FRY: variants seen among roughly 807,000 people sequenced by gnomAD.
The protein encoded by FRY is protein furry homolog.
A neutral mutation model predicts 348.4 loss-of-function variants in FRY; 128 were observed. That is an observed-to-expected ratio of 0.37 (90% CI 0.32 to 0.43). The LOEUF (loss-of-function observed/expected upper bound fraction) is 0.43. FRY is among the 20% of genes least tolerant of loss of function. The pLI, the probability that FRY is intolerant of heterozygous loss-of-function variation, is 1.00. For missense variants in FRY, 2,736 were observed against 3,695.2 expected (o/e 0.74, Z 6.73); for synonymous variants, 1,370 against 1,374.7 (o/e 1.00, Z 0.08).
chr13:32,178,878 G>T lies in FRY; in HGVS notation c.2716G>T (p.Gly906Cys), dbSNP rs376524681. 4 of 1,613,618 alleles carry T rather than the reference G, an allele frequency of 2.5e-6. No individual in the cohort carries two copies. In the South Asian group the frequency reaches 4.4e-5, roughly 18 times the overall value. The change falls in exon 22 of 61, where the codon GGC (glycine) becomes TGC (cysteine). Residue 906 changes from glycine to cysteine, a missense_variant. Around this residue, in one of 9 missense-constraint regions of FRY, gnomAD observed 449 missense variants for 576.9 expected, o/e 0.78. Transcript: ENST00000542859. Reference sequence around the variant, plus strand: ...TAATGCCAAGAAAACCAGCACTGCCGGCAGCGGAGACAACTATGTTACTTT... The same window carrying T: ...TAATGCCAAGAAAACCAGCACTGCCTGCAGCGGAGACAACTATGTTACTTT... ...PINAKKTSTA[G>C]SGDNYVTLWR...
intron 1 of FRY, among the ~76,000 whole-genome samples, chr13:32,056,104 T>A (rs948808220): frequency 1.3e-5 from 2 of 148,744 alleles, no homozygotes; most frequent in South Asian, 2.1e-4. Flanking sequence ...GGCAGGAGAA[T>A]CACTGGAACC....
At chr13:32,136,038 T>TAAAA (rs1426084130) in intron 10 of FRY, among the ~76,000 whole-genome samples, 1 of 135,226 alleles carries the variant, frequency 7.4e-6, no homozygotes, top group African/African-American at 3.1e-5. Context: ...CTAAGTTAAT[T>TAAAA]TAAAAAAAAA....
intron 39 of FRY, among the ~76,000 whole-genome samples, chr13:32,227,014 CT>C (rs1279359496): frequency 6.6e-6 from 1 of 152,136 alleles, no homozygotes; most frequent in African/African-American, 2.4e-5. Context: ...TAAGAATGTA[CT>C]TTCTTAAATG....
In FRY at chr13:32,276,520, A is replaced by G. The variant is rs757567504; in HGVS notation, c.8343A>G (p.Glu2781=). ...KLKFSVLELQ[E]YLDTYNNRKE... ...AGTTCAGTGTGTTAGAACTGCAAGA[A>G]TATTTGGATACCTACAACAACAGGA... The change falls in exon 57 of 61, where the codon GAA becomes GAG. Residue 2781 remains glutamate, a synonymous_variant. Coordinates refer to ENST00000542859, the MANE Select transcript of FRY (RefSeq NM_023037.3). 7.0e-5 allele frequency: 112 copies of G among 1,605,486 alleles called. No homozygotes were observed. Among genetic ancestry groups the G allele is most frequent in the Non-Finnish European group, 9.3e-5 (109 of 1,172,240 alleles).
rs779825072 is a variant in FRY at position 32,173,319 on chromosome 13, CCTTT to C, written c.2152-47_2152-44del. ...TGTAAAACATGAGTGTATTCTTCTT[CCTTT>C]GTTATTTCGCTGAATACAGAATGTT... is the stretch of plus-strand genomic sequence containing the variant. On this transcript the variant is annotated intron_variant, in intron 18 of 60. Coordinates refer to ENST00000542859, the MANE Select transcript of FRY (RefSeq NM_023037.3). The C allele has an allele frequency of 6.4e-6, 9 of 1,417,136 alleles. No individual in the cohort carries two copies. The Admixed American group carries it at 1.3e-4, about 21-fold the overall frequency. 87.8% of individuals were successfully genotyped at this position (1,417,136 alleles called of 1,614,324 possible). A position where few individuals can be genotyped will look rare whatever the true frequency, so the allele number is the denominator to read the frequency against.
At chr13:32,145,217 G>A (rs1880326702) in intron 11 of FRY, among the ~76,000 whole-genome samples, 2 of 152,138 alleles carry the variant, frequency 1.3e-5, no homozygotes, top group South Asian at 4.1e-4. Flanking sequence ...GATCCCACAG[G>A]CACCAGAGAA....
At chr13:32,252,428 A>G (rs895099294) in intron 50 of FRY, among the ~76,000 whole-genome samples, 1 of 152,180 alleles carries the variant, frequency 6.6e-6, no homozygotes, top group African/African-American at 2.4e-5. Context: ...ACAATAAAAA[A>G]CTAAGAATAA....
rs74682143 is a variant in FRY, at chr13:32,266,543, G to T, written c.7947-627G>T. On this transcript the variant is annotated intron_variant, in intron 54 of 60. Coordinates refer to ENST00000542859, the MANE Select transcript of FRY (RefSeq NM_023037.3). ...TGAAACTGCCAAAGCATAGGACTGTGGTTTACTTTGGGGCATAGCCTCTGT... is the reference window on the plus strand; with the variant it reads ...TGAAACTGCCAAAGCATAGGACTGTTGTTTACTTTGGGGCATAGCCTCTGT... 6.3e-3 allele frequency among the ~76,000 whole-genome samples: 952 copies of T among 152,318 alleles called. 4 individuals carry two copies. Among genetic ancestry groups the T allele is most frequent in the Admixed American group, 0.017 (266 of 15,310 alleles).
chr13:32,168,054 G>A (rs1367600519), intron 17 of FRY, among the ~76,000 whole-genome samples: 4 of 152,172 alleles, frequency 2.6e-5, no homozygotes, highest in Non-Finnish European at 5.9e-5. Context: ...TAGAGAGAAA[G>A]AGATTTATTG....
At chr13:32,242,402 G>A (rs1886558379) in intron 46 of FRY, among the ~76,000 whole-genome samples, 1 of 151,874 alleles carries the variant, frequency 6.6e-6, no homozygotes, top group Non-Finnish European at 1.5e-5. Flanking sequence ...ACTAAATTTT[G>A]TCATTCCATT....
At chr13:32,234,040 C>A (rs558936168) in intron 41 of FRY, among the ~76,000 whole-genome samples, 41 of 149,558 alleles carry the variant, frequency 2.7e-4, no homozygotes, top group South Asian at 6.3e-4. Context: ...ATCCCAGCAA[C>A]TCAGTAGGCT....
rs1184874508 is a variant in FRY at position 32,031,783 on chromosome 13, G to A, written c.-13G>A. The A allele has an allele frequency of 1.3e-6, 2 of 1,587,570 alleles. No individual in the cohort carries two copies. Among genetic ancestry groups the A allele is most frequent in the Non-Finnish European group, 1.7e-6 (2 of 1,157,568 alleles). On this transcript the variant is annotated 5_prime_UTR_variant, in exon 1 of 61. Transcript: ENST00000542859. ...CGCTGCCCGTCCTCCCAGCCTCTTT[G>A]TATGCCGCAGACATGGCCAGCCAGC...
At chr13:32,236,056 G>T in intron 42 of FRY, 22 bp from the exon 43 acceptor site, 1 of 1,515,554 alleles carries the variant, frequency 6.6e-7, no homozygotes, top group Non-Finnish European at 9.2e-7. Context: ...AATACAAAAT[G>T]CTATCTTTGC....
At chr13:32,245,746 G>A (rs2806626) in intron 47 of FRY, among the ~76,000 whole-genome samples, 1 of 109,604 alleles carries the variant, frequency 9.1e-6, no homozygotes, top group African/African-American at 2.6e-5. Flanking sequence ...GCAGGGCCAC[G>A]ATGGGGTTAA....
At chr13:32,067,554 C>A (rs1874341957) in intron 1 of FRY, among the ~76,000 whole-genome samples, 1 of 152,196 alleles carries the variant, frequency 6.6e-6, no homozygotes, top group Non-Finnish European at 1.5e-5. Flanking sequence ...CTCCCTAATT[C>A]ATATAATTTA....
At position 32,118,157 on chromosome 13, in the gene FRY, A is replaced by G. The variant is rs954959725; in HGVS notation, c.464+684A>G. On this transcript the variant is annotated intron_variant, in intron 4 of 60. Transcript: ENST00000542859. ...TGTGTGTCCTCCCCAAATTTTAGGTAAGCACATATAATTTCATATGTTTAG... is the reference window on the plus strand; with the variant it reads ...TGTGTGTCCTCCCCAAATTTTAGGTGAGCACATATAATTTCATATGTTTAG... 4.6e-5 allele frequency among the ~76,000 whole-genome samples: 7 copies of G among 152,208 alleles called. No homozygotes were observed. The South Asian group carries it at 8.3e-4, about 18-fold the overall frequency.
At chr13:32,141,855 A>C (rs958378955) in intron 11 of FRY, among the ~76,000 whole-genome samples, 8 of 152,180 alleles carry the variant, frequency 5.3e-5, no homozygotes, top group Non-Finnish European at 1.2e-4. Context: ...ACTGGCAGTG[A>C]GGTGAGATGC....
chr13:32,136,304 T>C (rs921009549), intron 10 of FRY, among the ~76,000 whole-genome samples: 33 of 152,216 alleles, frequency 2.2e-4, no homozygotes, highest in African/African-American at 8.0e-4. Context: ...AGCACCTCTG[T>C]TTATTTGGTC....
At chr13:32,247,113 G>A (rs536559623) in intron 47 of FRY, among the ~76,000 whole-genome samples, 1 of 151,972 alleles carries the variant, frequency 6.6e-6, no homozygotes, top group East Asian at 1.9e-4. Context: ...GGACAAAATT[G>A]GTCTTTTTTG....
Sources: gnomAD v4.1 joint callset for allele counts (sites outside exome capture counted in the v4.1 genomes callset) on GRCh38, gnomAD v4.1.1 for gene constraint, gnomAD v4.1.1 regional missense constraint, MANE v1.5 for transcripts, NCBI Gene and HGNC (gene_info 2026-07-23, HGNC 2026-07-21) for gene names.